The following B3GALT5 variants were observed in gnomAD, a reference collection of about 807,000 sequenced individuals.
B3GALT5 encodes beta-1,3-galactosyltransferase 5.
For synonymous variants in B3GALT5, 156 were observed against 158.6 expected (o/e 0.98, Z 0.12); for missense variants, 328 against 396.6 (o/e 0.83, Z 1.47).
chr21:39,645,184 C>T (rs997639655), intron 1 of B3GALT5, among the ~76,000 whole-genome samples: 5 of 152,186 alleles, frequency 3.3e-5, no homozygotes, highest in Non-Finnish European at 7.3e-5. Context: ...TGACCGTTCC[C>T]GGAGTCTTAC....
At chr21:39,627,985 A>G (rs908563591) in intron 1 of B3GALT5, among the ~76,000 whole-genome samples, 1 of 152,266 alleles carries the variant, frequency 6.6e-6, no homozygotes, top group Non-Finnish European at 1.5e-5. Flanking sequence ...CATTTATACT[A>G]GTCACAAAAC....
At chr21:39,634,591 G>A (rs1024855552) in intron 1 of B3GALT5, among the ~76,000 whole-genome samples, 3 of 152,076 alleles carry the variant, frequency 2.0e-5, no homozygotes, top group Non-Finnish European at 4.4e-5. Flanking sequence ...GTACAGTCTC[G>A]GAGGTTCAAG....
chr21:39,628,440 T>A (rs1312313629), intron 1 of B3GALT5, among the ~76,000 whole-genome samples: 1 of 152,194 alleles, frequency 6.6e-6, no homozygotes, highest in Non-Finnish European at 1.5e-5. Flanking sequence ...CTCATTCCAC[T>A]CTCTACATCC....
In B3GALT5 at chr21:39,662,206, C is replaced by A. The variant is rs1343830957; in HGVS notation, c.*714C>A. On this transcript the variant is annotated 3_prime_UTR_variant, in exon 4 of 4. Coordinates refer to ENST00000684187, the MANE Select transcript of B3GALT5 (RefSeq NM_001356336.2). ...GGAACACCCAGCTCTGGACAGAGTT[C>A]TTATAAATGTATAAATTAGGCTCAG... 6.0e-6 allele frequency: 1 copy of A among 167,080 alleles called. No homozygotes were observed. Among genetic ancestry groups the A allele is most frequent in the African/African-American group, 2.4e-5 (1 of 41,448 alleles). The allele number at this position is 167,080 out of a possible 1,614,324, so 10.3% of individuals were successfully genotyped here.
intron 1 of B3GALT5, among the ~76,000 whole-genome samples, chr21:39,639,484 T>TTCTTTCAC (rs2079272365): frequency 7.4e-6 from 1 of 135,082 alleles, no homozygotes; most frequent in African/African-American, 2.7e-5. Context: ...CTCTCTTTCT[T>TTCTTTCAC]TCTTTCTTTT....
chr21:39,622,241 G>T (rs547990620), intron 1 of B3GALT5, among the ~76,000 whole-genome samples: 1 of 152,140 alleles, frequency 6.6e-6, no homozygotes, highest in Non-Finnish European at 1.5e-5. Flanking sequence ...CAATTGAAAA[G>T]AATGTTTACT....
intron 1 of B3GALT5, among the ~76,000 whole-genome samples, chr21:39,638,588 G>T (rs1429092085): frequency 6.6e-6 from 1 of 152,146 alleles, no homozygotes; most frequent in African/African-American, 2.4e-5. Flanking sequence ...GATTCTTCAG[G>T]TACAGCAAGG....
At chr21:39,634,144 T>C (rs887351694) in intron 1 of B3GALT5, among the ~76,000 whole-genome samples, 2 of 152,188 alleles carry the variant, frequency 1.3e-5, no homozygotes, top group Admixed American at 1.3e-4. Flanking sequence ...CTGTTTTCTT[T>C]TCAACGTCGG....
chr21:39,634,135 T>G (rs2079210009), intron 1 of B3GALT5, among the ~76,000 whole-genome samples: 1 of 152,252 alleles, frequency 6.6e-6, no homozygotes, highest in Non-Finnish European at 1.5e-5. Context: ...TACCCAATTC[T>G]GTTTTCTTTT....
chr21:39,623,139 C>T (rs1054320746), intron 1 of B3GALT5, among the ~76,000 whole-genome samples: 1 of 142,636 alleles, frequency 7.0e-6, no homozygotes, highest in Admixed American at 7.0e-5. Flanking sequence ...TCCTTCCTCC[C>T]TCCCTTCCTC....
At position 39,667,304 on chromosome 21, in the gene B3GALT5, C is replaced by T. The variant is rs375727765; in HGVS notation, c.*5812C>T. On this transcript the variant is annotated 3_prime_UTR_variant, in exon 4 of 4. Coordinates refer to ENST00000684187, the MANE Select transcript of B3GALT5 (RefSeq NM_001356336.2). ...CACCGGTTATCCCAACAGGCTGGCA[C>T]AGAGGGCTGAAATGGACTTGGAAAG... is the stretch of plus-strand genomic sequence containing the variant. The T allele has an allele frequency of 4.6e-5, 7 of 152,246 alleles. No homozygotes were observed. The highest frequency in any genetic ancestry group is 1.7e-4 in the African/African-American group (7 of 41,462). 9.4% of individuals were successfully genotyped at this position (152,246 alleles called of 1,614,324 possible). A position where few individuals can be genotyped will look rare whatever the true frequency, so the allele number is the denominator to read the frequency against.
At chr21:39,650,778 G>A (rs75165664) in intron 2 of B3GALT5, among the ~76,000 whole-genome samples, 26,508 of 131,904 alleles carry the variant, frequency 0.2, 2,337 homozygotes, top group Admixed American at 0.22. Context: ...TTGACAGTTT[G>A]TTTTGCTTAG....
chr21:39,652,644 G>C (rs954786084), intron 2 of B3GALT5, among the ~76,000 whole-genome samples: 1 of 152,200 alleles, frequency 6.6e-6, no homozygotes, highest in Admixed American at 6.5e-5. Flanking sequence ...ATTTATAATG[G>C]AAAACAGAGT....
At chr21:39,628,308 G>A (rs1265967964) in intron 1 of B3GALT5, among the ~76,000 whole-genome samples, 1 of 152,298 alleles carries the variant, frequency 6.6e-6, no homozygotes, top group Non-Finnish European at 1.5e-5. Context: ...GGTTACATGC[G>A]TAGATTGTGT....
rs930130104 is a variant in B3GALT5 at position 39,660,647 on chromosome 21, C to G, written c.88C>G (p.Pro30Ala). Reference protein sequence around the residue: ...CLYFSMYSLNPFKEQSFVYKK... With the variant: ...CLYFSMYSLNAFKEQSFVYKK... ...GTATTTTAGCATGTACAGTCTAAAT[C>G]CTTTCAAAGAACAGTCCTTTGTTTA... is the stretch of plus-strand genomic sequence containing the variant. The change falls in exon 4 of 4, where the codon CCT becomes GCT. Residue 30 changes from proline to alanine, a missense_variant. Transcript: ENST00000684187. The G allele has an allele frequency of 1.5e-5, 23 of 1,534,014 alleles. No individual in the cohort carries two copies. The highest frequency in any genetic ancestry group is 1.8e-5 in the Non-Finnish European group (21 of 1,142,150).
chr21:39,617,380 C>T (rs2079112177), intron 1 of B3GALT5, among the ~76,000 whole-genome samples: 1 of 152,184 alleles, frequency 6.6e-6, no homozygotes, highest in Non-Finnish European at 1.5e-5. Flanking sequence ...AATTGATTCA[C>T]AGTTCTGCAT....
At chr21:39,617,058 C>A (rs1476824154) in intron 1 of B3GALT5, among the ~76,000 whole-genome samples, 2 of 152,182 alleles carry the variant, frequency 1.3e-5, no homozygotes, top group Non-Finnish European at 2.9e-5. Context: ...AATAGGAAAG[C>A]ATTGTTGAAG....
chr21:39,654,652 T>C (rs2079424758), intron 2 of B3GALT5, among the ~76,000 whole-genome samples: 1 of 152,196 alleles, frequency 6.6e-6, no homozygotes, highest in African/African-American at 2.4e-5. Flanking sequence ...GAAGAGTCAA[T>C]TGATGTGGCA....
chr21:39,637,955 G>A (rs1387354743), intron 1 of B3GALT5, among the ~76,000 whole-genome samples: 1 of 152,180 alleles, frequency 6.6e-6, no homozygotes, highest in Non-Finnish European at 1.5e-5. Context: ...TCTGTGGCTG[G>A]ATGTTTTCTG....
Sources: gnomAD v4.1 joint callset for allele counts (sites outside exome capture counted in the v4.1 genomes callset) on GRCh38, gnomAD v4.1.1 for gene constraint, MANE v1.5 for transcripts, NCBI Gene and HGNC (gene_info 2026-07-23, HGNC 2026-07-21) for gene names.